Variants in FANCD2OS observed in about 807,000 individuals in gnomAD.
FANCD2OS encodes the protein FANCD2 opposite strand protein.
In FANCD2OS, 11 loss-of-function variants were observed where a neutral mutation model predicts 13.2. That is an observed-to-expected ratio of 0.83 (90% CI 0.52 to 1.38). FANCD2OS has a LOEUF of 1.38. Ranked by LOEUF, FANCD2OS falls within the 40% of genes most tolerant of loss-of-function variation. The pLI, the probability that FANCD2OS is intolerant of heterozygous loss-of-function variation, is 0.00. For missense variants in FANCD2OS, 217 were observed against 213.9 expected, an observed-to-expected ratio of 1.01 and a Z score of -0.09; for synonymous variants, 69 against 84.5, an observed-to-expected ratio of 0.82 and a Z score of 1.01.
chr3:10,096,551 A>G, intron 2 of FANCD2OS: 2 of 1,363,308 alleles, frequency 1.5e-6, no homozygotes, highest in East Asian at 4.6e-5. Flanking sequence ...AAGGAAGGTC[A>G]CCTAAGCCCT....
intron 2 of FANCD2OS, among the ~76,000 whole-genome samples, chr3:10,095,514 T>G (rs185319192): frequency 6.6e-6 from 1 of 152,316 alleles, no homozygotes; most frequent in African/African-American, 2.4e-5. Flanking sequence ...AGAAACTTCT[T>G]GGGTGACAGA....
downstream of FANCD2OS, among the ~76,000 whole-genome samples, chr3:10,103,349 C>G (rs1695375078): frequency 6.6e-6 from 1 of 152,164 alleles, no homozygotes; most frequent in Non-Finnish European, 1.5e-5. Flanking sequence ...TTGCGGTGAG[C>G]CGAGATGGCG....
At chr3:10,107,573 A>G (rs569156712) in intron 1 of FANCD2OS, among the ~76,000 whole-genome samples, 306 of 151,548 alleles carry the variant, frequency 2.0e-3, no homozygotes, top group African/African-American at 7.2e-3. Context: ...GGCGTGAGCC[A>G]CCGGGCCCGG....
intron 2 of FANCD2OS, chr3:10,083,596 A>G (rs1693978446): frequency 6.6e-6 from 1 of 152,174 alleles, no homozygotes; most frequent in Non-Finnish European, 1.5e-5. Flanking sequence ...AAATGAAAGC[A>G]TACGTCCACC....
intron 2 of FANCD2OS, among the ~76,000 whole-genome samples, chr3:10,089,224 G>A (rs546227562): frequency 4.6e-5 from 7 of 152,050 alleles, no homozygotes; most frequent in African/African-American, 1.7e-4. Flanking sequence ...GGCGGAGGTT[G>A]CAGTGAGCCG....
chr3:10,102,703 C>T (rs1252064951), downstream of FANCD2OS, among the ~76,000 whole-genome samples: 1 of 151,532 alleles, frequency 6.6e-6, no homozygotes, highest in African/African-American at 2.4e-5. Flanking sequence ...ATTAGCTGGG[C>T]TTGGTGGCGG....
intron 2 of FANCD2OS, among the ~76,000 whole-genome samples, chr3:10,089,145 C>T (rs1237531885): frequency 2.6e-5 from 4 of 152,116 alleles, no homozygotes; most frequent in African/African-American, 9.6e-5. Context: ...ATTAGCCGGG[C>T]GTGGTGGCAC....
At chr3:10,099,112 A>G, downstream of FANCD2OS, 6 of 1,504,322 alleles carry the variant, frequency 4.0e-6, no homozygotes, top group Non-Finnish European at 5.3e-6. Flanking sequence ...ACCATTTTAG[A>G]AGGGAGAAGT....
At chr3:10,101,067 A>T (rs867111981), downstream of FANCD2OS, 15 of 433,944 alleles carry the variant, frequency 3.5e-5, no homozygotes, top group Middle Eastern at 3.9e-4. Flanking sequence ...GACTCCTTTA[A>T]AAAAAAAAAA....
intron 2 of FANCD2OS, chr3:10,090,305 G>T: frequency 1.2e-6 from 2 of 1,613,504 alleles, no homozygotes; most frequent in Non-Finnish European, 1.7e-6. Flanking sequence ...TACTTTTGTT[G>T]TTTTCTTCCG....
chr3:10,090,847 A>AT lies in FANCD2OS; in HGVS notation c.*44-9317dup, dbSNP rs558949899. Among the ~76,000 whole-genome samples, 11 of 151,358 alleles carry AT rather than the reference A, an allele frequency of 7.3e-5. No individual in the cohort carries two copies. The South Asian group carries it at 8.4e-4, about 12-fold the overall frequency. ...TTGTTTTGAGTTTCTGAGATTCAGGATTTTTTTTCAAAGAGTTCCTAGTTT... is the reference window on the plus strand; with the variant it reads ...TTGTTTTGAGTTTCTGAGATTCAGGATTTTTTTTTCAAAGAGTTCCTAGTTT... On this transcript the variant is annotated intron_variant, in intron 2 of 2. Coordinates refer to the FANCD2OS transcript ENST00000524279.
At chr3:10,099,452 ATC>A, downstream of FANCD2OS, 1 of 481,758 alleles carries the variant, frequency 2.1e-6, no homozygotes. Context: ...ACAAGACCCT[ATC>A]TCCACAAAAA....
downstream of FANCD2OS, chr3:10,103,924 T>G: frequency 3.8e-6 from 1 of 262,020 alleles, no homozygotes; most frequent in Non-Finnish European, 7.2e-6. Flanking sequence ...TTCATTGTGG[T>G]TGTAGGTGTT....
rs185981261 is a variant in FANCD2OS, at chr3:10,081,787, T to C, written c.*44-256A>G. Among the ~76,000 whole-genome samples, 11 of 152,236 alleles carry C rather than the reference T, an allele frequency of 7.2e-5. No homozygotes were observed. The East Asian group carries it at 1.7e-3, about 24-fold the overall frequency. ...TTGTTTGGTGATGAGCTGAACACTG[T>C]GAGCTGGGCTATTCCATGATACCTT... On this transcript the variant is annotated intron_variant, in intron 2 of 2. Transcript: ENST00000524279.
chr3:10,084,864 C>A (rs1414814773), intron 2 of FANCD2OS, among the ~76,000 whole-genome samples: 1 of 151,992 alleles, frequency 6.6e-6, no homozygotes, highest in Admixed American at 6.6e-5. Context: ...AGCCATAATA[C>A]AATGAAAGCA....
intron 2 of FANCD2OS, among the ~76,000 whole-genome samples, chr3:10,097,201 G>A (rs760825205): frequency 1.3e-5 from 2 of 152,176 alleles, no homozygotes; most frequent in Non-Finnish European, 2.9e-5. Flanking sequence ...GGACCGAGGC[G>A]AAATTGAAAT....
At chr3:10,101,339 GT>G, downstream of FANCD2OS, 1 of 862,694 alleles carries the variant, frequency 1.2e-6, no homozygotes, top group South Asian at 1.5e-5. Flanking sequence ...GAAATCCGCT[GT>G]TTGCCTTTCT....
rs9848896 is a variant in FANCD2OS, at chr3:10,091,890, C to T, written c.*44-10359G>A. 0.24 allele frequency among the ~76,000 whole-genome samples: 36,210 copies of T among 151,962 alleles called. 5,839 individuals carry two copies. The highest frequency in any genetic ancestry group is 0.46 in the African/African-American group (19,109 of 41,386). ...TGGGTGGATCATGAAGTCAGGAGTT[C>T]GAGACTAGCCTGGCCAACATGGTCA... On this transcript the variant is annotated intron_variant, in intron 2 of 2. Transcript: ENST00000524279.
chr3:10,105,791 T>A (rs1695476754), intron 1 of FANCD2OS, among the ~76,000 whole-genome samples: 4 of 58,576 alleles, frequency 6.8e-5, no homozygotes, highest in African/African-American at 4.6e-4. Flanking sequence ...TATATATATA[T>A]ATATATATAT....
Sources: gnomAD v4.1 joint callset for allele counts (sites outside exome capture counted in the v4.1 genomes callset) on GRCh38, gnomAD v4.1.1 for gene constraint, MANE v1.5 for transcripts, NCBI Gene and HGNC (gene_info 2026-07-23, HGNC 2026-07-21) for gene names.